Variants in KDM4C observed in about 807,000 individuals in gnomAD.
KDM4C encodes lysine demethylase 4C, also known as lysine-specific demethylase 4C.
A neutral mutation model predicts 129.3 loss-of-function variants in KDM4C; 81 were observed. The ratio of observed to expected loss-of-function variants is 0.63; its 90% CI spans 0.52 to 0.75. KDM4C has a LOEUF of 0.75. KDM4C is among the 30% of genes least tolerant of loss of function. The pLI is 0.00. For synonymous variants in KDM4C, 573 were observed against 456.1 expected (o/e 1.26, Z -3.26); for missense variants, 1,457 against 1,304.0 (o/e 1.12, Z -1.81).
At chr9:7,042,766 T>A (rs1828808941) in intron 15 of KDM4C, among the ~76,000 whole-genome samples, 1 of 152,028 alleles carries the variant, frequency 6.6e-6, no homozygotes, top group Non-Finnish European at 1.5e-5. Context: ...GGGCAGAAGA[T>A]GTTAGAGAAA....
intron 1 of KDM4C, among the ~76,000 whole-genome samples, chr9:6,785,522 A>G (rs1447739708): frequency 6.6e-6 from 1 of 152,120 alleles, no homozygotes; most frequent in Admixed American, 6.6e-5. Flanking sequence ...TATTTTTAGT[A>G]GAGACAGGGT....
upstream of KDM4C, among the ~76,000 whole-genome samples, chr9:6,755,225 G>C (rs868503181): frequency 3.3e-5 from 5 of 152,176 alleles, no homozygotes; most frequent in Non-Finnish European, 5.9e-5. Flanking sequence ...CAAAAAATTA[G>C]CTAGGTGTGG....
chr9:6,906,359 A>AG (rs533696907), intron 8 of KDM4C, among the ~76,000 whole-genome samples: 154 of 152,328 alleles, frequency 1.0e-3, no homozygotes, highest in African/African-American at 3.6e-3. Context: ...ACACTATGGA[A>AG]GGAATTCTCA....
chr9:6,934,759 G>A (rs1824443115), intron 8 of KDM4C, among the ~76,000 whole-genome samples: 1 of 151,868 alleles, frequency 6.6e-6, no homozygotes, highest in African/African-American at 2.4e-5. Flanking sequence ...ACTGCGCCCG[G>A]CCCACTCTAA....
intron 17 of KDM4C, among the ~76,000 whole-genome samples, chr9:7,101,625 G>A (rs1837102246): frequency 6.6e-6 from 1 of 152,204 alleles, no homozygotes; most frequent in South Asian, 2.1e-4. Context: ...TCCCTCCTTA[G>A]GTTCCAAAGA....
chr9:7,045,507 A>T (rs896536868), intron 15 of KDM4C, among the ~76,000 whole-genome samples: 1 of 152,000 alleles, frequency 6.6e-6, no homozygotes, highest in Non-Finnish European at 1.5e-5. Context: ...GAACTACCAG[A>T]GTTCTCATTT....
At chr9:6,896,577 TAA>T (rs945767644) in intron 8 of KDM4C, among the ~76,000 whole-genome samples, 2 of 145,800 alleles carry the variant, frequency 1.4e-5, no homozygotes. Flanking sequence ...GTTTTTTAAT[TAA>T]AAAAAAAAAG....
intron 6 of KDM4C, among the ~76,000 whole-genome samples, chr9:6,883,904 G>A (rs1000577018): frequency 2.6e-5 from 4 of 152,024 alleles, no homozygotes; most frequent in African/African-American, 9.7e-5. Context: ...GAAATTAAGT[G>A]GTCTCAGGAA....
intron 8 of KDM4C, among the ~76,000 whole-genome samples, chr9:6,937,036 T>C (rs1824926916): frequency 6.6e-6 from 1 of 152,122 alleles, no homozygotes; most frequent in African/African-American, 2.4e-5. Flanking sequence ...GTAGATTTTA[T>C]GTACATTCTT....
intron 12 of KDM4C, among the ~76,000 whole-genome samples, chr9:6,991,923 A>G (rs944891605): frequency 6.6e-6 from 1 of 152,224 alleles, no homozygotes; most frequent in Non-Finnish European, 1.5e-5. Flanking sequence ...AGTAGTTTGT[A>G]TGAAACCAAT....
chr9:7,020,636 A>T (rs146415937), intron 15 of KDM4C, among the ~76,000 whole-genome samples: 1 of 152,192 alleles, frequency 6.6e-6, no homozygotes, highest in East Asian at 1.9e-4. Context: ...TTGACTCTTC[A>T]TGTACATCTC....
chr9:6,884,794 A>C (rs1490674789), intron 6 of KDM4C, among the ~76,000 whole-genome samples: 1 of 152,208 alleles, frequency 6.6e-6, no homozygotes, highest in Non-Finnish European at 1.5e-5. Context: ...TTGGTGATTT[A>C]ATACTATAGC....
chr9:6,809,255 A>G (rs966749976), intron 3 of KDM4C, among the ~76,000 whole-genome samples: 1 of 152,200 alleles, frequency 6.6e-6, no homozygotes, highest in African/African-American at 2.4e-5. Context: ...AGAACATGAA[A>G]CTTTCAACAA....
chr9:7,163,559 A>G (rs755421490), intron 19 of KDM4C, among the ~76,000 whole-genome samples: 7 of 152,178 alleles, frequency 4.6e-5, no homozygotes, highest in Non-Finnish European at 7.4e-5. Flanking sequence ...TCCTGCCGCC[A>G]CACTTACCCC....
intron 5 of KDM4C, among the ~76,000 whole-genome samples, chr9:6,877,558 T>G (rs1843754523): frequency 6.6e-6 from 1 of 152,176 alleles, no homozygotes; most frequent in African/African-American, 2.4e-5. Flanking sequence ...GAGAACAGAA[T>G]TGTTCTTTGA....
intron 8 of KDM4C, among the ~76,000 whole-genome samples, chr9:6,911,918 A>G (rs1486127969): frequency 4.6e-5 from 7 of 152,108 alleles, no homozygotes; most frequent in Non-Finnish European, 7.4e-5. Context: ...TTCTTAGGTC[A>G]TGAGGCCCTT....
At chr9:6,905,156 G>A (rs1265647572) in intron 8 of KDM4C, among the ~76,000 whole-genome samples, 2 of 152,150 alleles carry the variant, frequency 1.3e-5, no homozygotes, top group East Asian at 3.8e-4. Flanking sequence ...TTAAATGCAA[G>A]CTTTTCTATT....
intron 7 of KDM4C, among the ~76,000 whole-genome samples, 165 bp from the exon 8 acceptor site, chr9:6,892,930 A>G (rs1452799849): frequency 6.6e-6 from 1 of 152,194 alleles, no homozygotes; most frequent in Admixed American, 6.5e-5. Flanking sequence ...TTCCTGAAAA[A>G]GCACTATTAA....
intron 19 of KDM4C, among the ~76,000 whole-genome samples, chr9:7,163,609 C>T (rs528538760): frequency 6.4e-4 from 98 of 152,138 alleles, no homozygotes; most frequent in African/African-American, 2.3e-3. Context: ...AGAGCTGATG[C>T]GACTCTCTAA....
Sources: gnomAD v4.1 joint callset for allele counts (sites outside exome capture counted in the v4.1 genomes callset) on GRCh38, gnomAD v4.1.1 for gene constraint, MANE v1.5 for transcripts, NCBI Gene and HGNC (gene_info 2026-07-23, HGNC 2026-07-21) for gene names.